Variants in MAPK6 observed in about 807,000 individuals in gnomAD.
MAPK6 encodes ERK-3.
In MAPK6, 19 loss-of-function variants were observed where a neutral mutation model predicts 59.3. The observed-to-expected ratio is 0.32, with a 90% CI of 0.22 to 0.47. The LOEUF (loss-of-function observed/expected upper bound fraction) is 0.47, where lower values mean the gene tolerates loss of function less well. MAPK6 is among the 20% of genes least tolerant of loss of function. The probability of loss-of-function intolerance (pLI) is 1.00; values close to 1 mark genes in which losing one functional copy is unlikely to be tolerated. For synonymous variants in MAPK6, 316 were observed against 290.3 expected (o/e 1.09, Z -0.90); for missense variants, 724 against 847.9 (o/e 0.85, Z 1.81).
intron 4 of MAPK6, among the ~76,000 whole-genome samples, chr15:52,059,162 G>A (rs2032099117): frequency 6.6e-6 from 1 of 152,180 alleles, no homozygotes; most frequent in African/African-American, 2.4e-5. Flanking sequence ...AGGCTTTTCA[G>A]TAGTTCCACA....
chr15:52,049,982 T>G lies in MAPK6; in HGVS notation c.556-11T>G. ...AAAGTAAAAAAAGTATGTTTTTTGTTTCTTTTATAGGGTCATCTTTCTGAA... is the reference window on the plus strand; with the variant it reads ...AAAGTAAAAAAAGTATGTTTTTTGTGTCTTTTATAGGGTCATCTTTCTGAA... On this transcript the variant is annotated splice_polypyrimidine_tract_variant and intron_variant, in intron 2 of 5. Transcript: ENST00000261845. The G allele has an allele frequency of 6.2e-7, 1 of 1,607,950 alleles. No homozygotes were observed.
intron 1 of MAPK6, among the ~76,000 whole-genome samples, chr15:52,033,085 C>T (rs2031102026): frequency 1.3e-5 from 2 of 152,224 alleles, no homozygotes; most frequent in South Asian, 4.1e-4. Flanking sequence ...ACTGGGATTA[C>T]AGGCATAAGC....
chr15:52,020,514 A>G (rs909431343), intron 1 of MAPK6, among the ~76,000 whole-genome samples: 4 of 152,138 alleles, frequency 2.6e-5, no homozygotes, highest in African/African-American at 7.2e-5. Context: ...AACACGCCAT[A>G]CAATGAAGAG....
At chr15:51,973,364 G>T (rs1450883688) in intron 1 of MAPK6, among the ~76,000 whole-genome samples, 1 of 151,854 alleles carries the variant, frequency 6.6e-6, no homozygotes, top group Non-Finnish European at 1.5e-5. Flanking sequence ...ATTTTCTTTT[G>T]ATACAGTGTC....
chr15:52,016,070 G>GCGCGCGCGCACACGCGCACACACA, upstream of MAPK6, among the ~76,000 whole-genome samples: 1 of 55,392 alleles, frequency 1.8e-5, no homozygotes. Flanking sequence ...GCGCGCGCGC[G>GCGCGCGCGCACACGCGCACACACA]CACACACACA....
intron 3 of MAPK6, among the ~76,000 whole-genome samples, chr15:52,057,498 T>C (rs1485560301): frequency 6.6e-6 from 1 of 152,110 alleles, no homozygotes; most frequent in Non-Finnish European, 1.5e-5. Flanking sequence ...TCCATATGAA[T>C]GTTTGGTGTA....
rs376848801 is a variant in MAPK6 at position 51,979,041 on chromosome 15, G to A, written c.-879-4165G>A. Among the ~76,000 whole-genome samples the A allele has an allele frequency of 2.2e-3, 334 of 148,594 alleles. 2 individuals are homozygous for A. The highest frequency in any genetic ancestry group is 7.9e-3 in the African/African-American group (323 of 40,800). ...CATGAGGATCATTTGAGGCTGGGAA[G>A]TCAAGGCTGCAGTGAGCCATGATCA... On this transcript the variant is annotated intron_variant, in intron 1 of 7. Coordinates refer to the MAPK6 transcript ENST00000691380.
At chr15:52,063,865 A>G (rs779407583) in intron 5 of MAPK6, 37 bp from the exon 6 acceptor site, 17 of 1,510,642 alleles carry the variant, frequency 1.1e-5, no homozygotes, top group Non-Finnish European at 1.4e-5. Flanking sequence ...ATGAAATCAT[A>G]TACGTAGAAT....
At chr15:52,028,048 G>A (rs1292290297) in intron 1 of MAPK6, among the ~76,000 whole-genome samples, 1 of 142,550 alleles carries the variant, frequency 7.0e-6, no homozygotes, top group Non-Finnish European at 1.5e-5. Context: ...TGCCTCCCAG[G>A]TTCACGCCAT....
chr15:51,997,467 AG>A (rs1020292650), intron 2 of MAPK6, among the ~76,000 whole-genome samples: 111 of 151,738 alleles, frequency 7.3e-4, no homozygotes, highest in African/African-American at 2.7e-3. Context: ...CACATTGGCC[AG>A]GCTGGTCTCG....
At chr15:51,978,519 T>G (rs1044045153) in intron 1 of MAPK6, among the ~76,000 whole-genome samples, 1 of 151,856 alleles carries the variant, frequency 6.6e-6, no homozygotes, top group Non-Finnish European at 1.5e-5. Flanking sequence ...TAAATTTCTA[T>G]AGTAAAATGT....
chr15:51,973,112 G>A (rs2057142511), intron 1 of MAPK6, among the ~76,000 whole-genome samples: 1 of 151,840 alleles, frequency 6.6e-6, no homozygotes, highest in South Asian at 2.1e-4. Flanking sequence ...ATTTAGTTTG[G>A]AGATTATATG....
At position 52,046,643 on chromosome 15, in the gene MAPK6, T is replaced by A; in HGVS notation, c.183T>A (p.His61Gln). The change falls in exon 2 of 6, where the codon CAT becomes CAA. Residue 61 changes from histidine to glutamine, a missense_variant. His to Gln is a conservative substitution (Grantham distance 24). This residue lies in a region of MAPK6 where 87 missense variants were observed against 93.0 expected (regional missense o/e 0.93). Transcript: ENST00000261845. ...IVLTDPQSVK[H>Q]ALREIKIIRR... ...TTACTGATCCCCAGAGTGTCAAACA[T>A]GCTCTACGTGAAATCAAAATTATTA... 1 of 1,614,172 alleles carries A rather than the reference T, an allele frequency of 6.2e-7. No homozygotes were observed. Among genetic ancestry groups the A allele is most frequent in the South Asian group, 1.1e-5 (1 of 91,082 alleles).
In MAPK6 at chr15:52,045,905, G is replaced by C. The variant is rs1347472142; in HGVS notation, c.-556G>C. ...TGGAGCCACCTGATCACTAACAAAAGACATCTTCTGTTAACCAACAGCCGC... is the reference window on the plus strand; with the variant it reads ...TGGAGCCACCTGATCACTAACAAAACACATCTTCTGTTAACCAACAGCCGC... On this transcript the variant is annotated 5_prime_UTR_variant, in exon 2 of 6. Transcript: ENST00000261845. The C allele has an allele frequency of 6.5e-6, 1 of 153,046 alleles. No individual in the cohort carries two copies. Among genetic ancestry groups the C allele is most frequent in the Non-Finnish European group, 1.5e-5 (1 of 68,368 alleles). The allele number at this position is 153,046 out of a possible 1,614,324, so 9.5% of individuals were successfully genotyped here. A position where few individuals can be genotyped will look rare whatever the true frequency, so the allele number is the denominator to read the frequency against.
intron 1 of MAPK6, among the ~76,000 whole-genome samples, chr15:51,973,228 A>C (rs917167912): frequency 3.3e-5 from 5 of 151,610 alleles, no homozygotes; most frequent in Non-Finnish European, 5.9e-5. Context: ...CGGATGTTGC[A>C]AGAGAAGATA....
chr15:51,994,815 C>T (rs192815841), intron 2 of MAPK6, among the ~76,000 whole-genome samples: 16 of 152,290 alleles, frequency 1.1e-4, no homozygotes, highest in African/African-American at 3.9e-4. Context: ...AAACCTCAGA[C>T]AAGCCTACAT....
chr15:51,994,231 A>G (rs2057218211), intron 2 of MAPK6, among the ~76,000 whole-genome samples: 1 of 152,026 alleles, frequency 6.6e-6, no homozygotes, highest in East Asian at 1.9e-4. Flanking sequence ...AAGTGCTGGG[A>G]TTACAGGTGT....
At chr15:51,977,095 C>A (rs1439666713) in intron 1 of MAPK6, among the ~76,000 whole-genome samples, 1 of 151,208 alleles carries the variant, frequency 6.6e-6, no homozygotes, top group African/African-American at 2.4e-5. Context: ...CCTCTGCCTC[C>A]CAGGTTCTAC....
chr15:51,993,005 G>T (rs897378355), intron 2 of MAPK6, among the ~76,000 whole-genome samples: 7 of 152,008 alleles, frequency 4.6e-5, no homozygotes, highest in Non-Finnish European at 7.4e-5. Flanking sequence ...AGTCTTTGCT[G>T]GTCAGCTCAA....
Sources: allele counts gnomAD v4.1 joint callset (sites outside exome capture counted in the v4.1 genomes callset), GRCh38; gene constraint gnomAD v4.1.1; regional missense constraint gnomAD v4.1.1; transcripts MANE v1.5; gene names NCBI Gene and HGNC (gene_info 2026-07-23, HGNC 2026-07-21).